ZPBP: variants seen among roughly 807,000 people sequenced by gnomAD.
ZPBP encodes the protein zona pellucida-binding protein 1.
In ZPBP, 26 loss-of-function variants were observed where a neutral mutation model predicts 44.8. That is an observed-to-expected ratio of 0.58 (90% CI 0.43 to 0.81). The LOEUF is 0.81. Ranked by LOEUF, ZPBP falls within the 30% of genes least tolerant of loss-of-function variation. The probability of loss-of-function intolerance (pLI) is 0.00; values close to 1 mark genes in which losing one functional copy is unlikely to be tolerated. For missense variants in ZPBP, 409 were observed against 434.0 expected (o/e 0.94, Z 0.51); for synonymous variants, 174 against 153.2 (o/e 1.14, Z -1.00).
At chr7:49,972,712 A>G (rs1400812933) in intron 7 of ZPBP, among the ~76,000 whole-genome samples, 1 of 152,090 alleles carries the variant, frequency 6.6e-6, no homozygotes, top group Non-Finnish European at 1.5e-5. Flanking sequence ...ATATTTTTGC[A>G]AAAAATAGGA....
intron 7 of ZPBP, among the ~76,000 whole-genome samples, chr7:49,941,955 C>G (rs1420639081): frequency 6.6e-6 from 1 of 152,094 alleles, no homozygotes; most frequent in East Asian, 1.9e-4. Flanking sequence ...GTAATAAATC[C>G]TTGCATACAG....
intron 2 of ZPBP, among the ~76,000 whole-genome samples, chr7:49,896,922 T>C (rs1792414154): frequency 1.4e-5 from 2 of 143,184 alleles, no homozygotes; most frequent in South Asian, 4.4e-4. Context: ...GGAGTCTCGC[T>C]CTGTCGCCCA....
chr7:49,909,915 G>C (rs1407172068), intron 1 of ZPBP, among the ~76,000 whole-genome samples: 1 of 151,934 alleles, frequency 6.6e-6, no homozygotes, highest in East Asian at 1.9e-4. Context: ...ACCAGCCTGG[G>C]CAACATAGAA....
At chr7:50,078,125 G>A (rs1212991944) in intron 3 of ZPBP, among the ~76,000 whole-genome samples, 1 of 151,610 alleles carries the variant, frequency 6.6e-6, no homozygotes. Flanking sequence ...TATGTTAAGC[G>A]AAATAAGCAG....
chr7:49,849,637 T>C (rs1221531920), downstream of ZPBP, among the ~76,000 whole-genome samples: 1 of 152,254 alleles, frequency 6.6e-6, no homozygotes, highest in African/African-American at 2.4e-5. Context: ...ACATGCACCA[T>C]TAGATAGAGT....
At chr7:49,898,113 ATGTG>A (rs773381433) in intron 2 of ZPBP, among the ~76,000 whole-genome samples, 1 of 151,212 alleles carries the variant, frequency 6.6e-6, no homozygotes, top group Non-Finnish European at 1.5e-5. Flanking sequence ...CTTTACATAT[ATGTG>A]TGTGTGTGTG....
At chr7:49,901,492 A>G (rs1792721739) in intron 1 of ZPBP, among the ~76,000 whole-genome samples, 1 of 151,888 alleles carries the variant, frequency 6.6e-6, no homozygotes, top group Non-Finnish European at 1.5e-5. Context: ...TAGGTATAAA[A>G]TTAGCAAAAT....
intron 6 of ZPBP, among the ~76,000 whole-genome samples, chr7:49,995,575 T>C (rs1023628641): frequency 6.6e-6 from 1 of 152,232 alleles, no homozygotes; most frequent in African/African-American, 2.4e-5. Flanking sequence ...TCACCACATC[T>C]GCATCTTTTA....
chr7:49,928,749 G>C (rs978464539), intron 1 of ZPBP, among the ~76,000 whole-genome samples: 1 of 152,168 alleles, frequency 6.6e-6, no homozygotes, highest in African/African-American at 2.4e-5. Context: ...GGATGGAAGA[G>C]TGCTGCTATG....
At chr7:49,921,975 C>T (rs1042821392) in intron 1 of ZPBP, 2 of 152,108 alleles carry the variant, frequency 1.3e-5, no homozygotes, top group African/African-American at 4.8e-5. Flanking sequence ...GGTAGAGTCA[C>T]ATTTAAGATA....
At chr7:49,860,783 C>G (rs971857055) in intron 2 of ZPBP, among the ~76,000 whole-genome samples, 1 of 152,154 alleles carries the variant, frequency 6.6e-6, no homozygotes, top group Non-Finnish European at 1.5e-5. Flanking sequence ...AGGCCTTAAT[C>G]TAATAGGGTT....
At chr7:49,849,364 G>A (rs569055143), downstream of ZPBP, among the ~76,000 whole-genome samples, 2 of 152,318 alleles carry the variant, frequency 1.3e-5, no homozygotes, top group East Asian at 1.9e-4. Flanking sequence ...AGATGGCTAA[G>A]AAGGGAGTTT....
chr7:50,038,294 G>A (rs775673233), intron 4 of ZPBP, among the ~76,000 whole-genome samples: 7 of 152,192 alleles, frequency 4.6e-5, no homozygotes, highest in African/African-American at 4.8e-5. Flanking sequence ...TTTCACTTGC[G>A]TGTAAGTGTA....
At chr7:50,078,960 C>A (rs11760292) in intron 3 of ZPBP, among the ~76,000 whole-genome samples, 4,158 of 151,336 alleles carry the variant, frequency 0.027, 63 homozygotes, top group Non-Finnish European at 0.041. Flanking sequence ...CGAAAAGATA[C>A]TCAACATAAC....
intron 2 of ZPBP, among the ~76,000 whole-genome samples, chr7:49,859,771 T>TA (rs1199174715): frequency 1.3e-5 from 2 of 148,828 alleles, no homozygotes; most frequent in Non-Finnish European, 3.0e-5. Context: ...ACTTGATGTG[T>TA]CTTACAGTGC....
At chr7:49,992,454 T>C (rs1562829757) in intron 6 of ZPBP, among the ~76,000 whole-genome samples, 1 of 151,808 alleles carries the variant, frequency 6.6e-6, no homozygotes, top group Non-Finnish European at 1.5e-5. Flanking sequence ...TGGAGTGAAA[T>C]TAAAAATTAA....
chr7:49,997,349 A>G (rs979762179), intron 6 of ZPBP, among the ~76,000 whole-genome samples: 1 of 152,218 alleles, frequency 6.6e-6, no homozygotes, highest in African/African-American at 2.4e-5. Context: ...TAGTGAGCCC[A>G]TATCAGTAAA....
chr7:50,029,251 A>T lies in ZPBP; in HGVS notation c.706+1841T>A, dbSNP rs184315175. ...AGTGTGGAAAAGAATGGTCTCTTCA[A>T]CAAATGTTCTTGGACAACCAGACAG... is the stretch of plus-strand genomic sequence containing the variant. On this transcript the variant is annotated intron_variant, in intron 5 of 7. Transcript: ENST00000046087. Among the ~76,000 whole-genome samples the T allele has an allele frequency of 4.1e-4, 62 of 152,344 alleles. No homozygotes were observed. In the East Asian group the frequency reaches 7.9e-3, roughly 19 times the overall value.
At chr7:50,066,608 T>G (rs1168204436) in intron 3 of ZPBP, among the ~76,000 whole-genome samples, 1 of 152,214 alleles carries the variant, frequency 6.6e-6, no homozygotes, top group Non-Finnish European at 1.5e-5. Context: ...GCATAGACAT[T>G]TGCAGCATTT....
Sources: gnomAD v4.1 joint callset for allele counts (sites outside exome capture counted in the v4.1 genomes callset) on GRCh38, gnomAD v4.1.1 for gene constraint, MANE v1.5 for transcripts, NCBI Gene and HGNC (gene_info 2026-07-23, HGNC 2026-07-21) for gene names.